The following CDH13 variants were observed in gnomAD, a reference collection of about 807,000 sequenced individuals.
The protein encoded by CDH13 is cadherin-13.
In CDH13, 24 loss-of-function variants were observed where a neutral mutation model predicts 63.8. The observed-to-expected ratio is 0.38, with a 90% confidence interval of 0.27 to 0.53. The LOEUF (loss-of-function observed/expected upper bound fraction) is 0.53, where lower values mean the gene tolerates loss of function less well. Ranked by LOEUF, CDH13 falls within the 20% of genes least tolerant of loss-of-function variation. The pLI is 0.85. For missense variants in CDH13, 1,049 were observed against 903.1 expected (o/e 1.16, Z -2.07); for synonymous variants, 503 against 355.3 (o/e 1.42, Z -4.67).
intron 5 of CDH13, among the ~76,000 whole-genome samples, chr16:83,323,472 G>A (rs904244630): frequency 2.0e-4 from 28 of 136,692 alleles, no homozygotes; most frequent in South Asian, 7.8e-4. Context: ...GTATAAATAC[G>A]GTTTCACCAT....
chr16:83,535,360 C>G (rs1004361058), intron 7 of CDH13, among the ~76,000 whole-genome samples: 1 of 152,214 alleles, frequency 6.6e-6, no homozygotes, highest in Non-Finnish European at 1.5e-5. Context: ...AGTTGATTGG[C>G]ATTTTAGTAG....
chr16:83,211,005 G>A (rs1278645824), intron 4 of CDH13, among the ~76,000 whole-genome samples: 3 of 151,808 alleles, frequency 2.0e-5, no homozygotes, highest in African/African-American at 7.3e-5. Flanking sequence ...AAAATTAGCT[G>A]GGCGTGGTGG....
At chr16:83,653,001 T>C (rs1912532080) in intron 8 of CDH13, among the ~76,000 whole-genome samples, 1 of 151,974 alleles carries the variant, frequency 6.6e-6, no homozygotes, top group African/African-American at 2.4e-5. Context: ...CACGCTACAG[T>C]GTGGATGAAC....
intron 2 of CDH13, among the ~76,000 whole-genome samples, chr16:82,883,515 T>G (rs1383097325): frequency 6.6e-6 from 1 of 152,252 alleles, no homozygotes; most frequent in African/African-American, 2.4e-5. Context: ...CAGCTGATTC[T>G]GATTCAGGTG....
chr16:83,528,228 T>C (rs146283306), intron 7 of CDH13, among the ~76,000 whole-genome samples: 60 of 152,354 alleles, frequency 3.9e-4, no homozygotes, highest in African/African-American at 1.4e-3. Context: ...TCCCTGCAGC[T>C]ATTCCAAAAG....
intron 3 of CDH13, among the ~76,000 whole-genome samples, chr16:83,117,430 C>T (rs944246969): frequency 2.0e-5 from 3 of 152,092 alleles, no homozygotes; most frequent in East Asian, 3.9e-4. Flanking sequence ...CGCTTCTTGC[C>T]TCCCTGTCTA....
intron 10 of CDH13, among the ~76,000 whole-genome samples, chr16:83,704,726 T>C (rs1164571921): frequency 6.6e-6 from 1 of 152,226 alleles, no homozygotes; most frequent in African/African-American, 2.4e-5. Context: ...TGCTCATTTT[T>C]CACCAAACTG....
At chr16:83,029,161 T>C (rs1406700520) in intron 2 of CDH13, among the ~76,000 whole-genome samples, 2 of 152,250 alleles carry the variant, frequency 1.3e-5, no homozygotes, top group African/African-American at 4.8e-5. Flanking sequence ...TATCCACTAT[T>C]ATTATCAGTT....
chr16:83,108,001 T>G (rs1357968135), intron 3 of CDH13, among the ~76,000 whole-genome samples: 1 of 152,036 alleles, frequency 6.6e-6, no homozygotes, highest in Non-Finnish European at 1.5e-5. Context: ...TTTTGTATTT[T>G]TAGTAGAGAC....
chr16:83,080,964 C>A (rs1025093915), intron 3 of CDH13, among the ~76,000 whole-genome samples: 1 of 143,624 alleles, frequency 7.0e-6, no homozygotes, highest in Non-Finnish European at 1.5e-5. Flanking sequence ...TCACCGCAAC[C>A]TCTGCCTCCC....
intron 3 of CDH13, among the ~76,000 whole-genome samples, chr16:83,080,871 G>GTTTTTTTT (rs71148809): frequency 0.047 from 2,188 of 46,868 alleles, 488 homozygotes; most frequent in East Asian, 0.21. Flanking sequence ...TTGTTTTTGT[G>GTTTTTTTT]TTTTTTTTTT....
chr16:83,438,112 G>A (rs944090843), intron 6 of CDH13, among the ~76,000 whole-genome samples: 7 of 152,126 alleles, frequency 4.6e-5, no homozygotes, highest in South Asian at 2.1e-4. Flanking sequence ...CCCCTTTCAT[G>A]ACTTAAGAAG....
chr16:83,719,747 C>G (rs976943839), intron 10 of CDH13, among the ~76,000 whole-genome samples: 2 of 152,136 alleles, frequency 1.3e-5, no homozygotes, highest in African/African-American at 4.8e-5. Context: ...ACCATTATAC[C>G]AGATGCCATT....
In CDH13 at chr16:83,632,704, G is replaced by A. The variant is rs140831645; in HGVS notation, c.1101+30110G>A. Reference sequence around the variant, plus strand: ...CCAAGAGAGTGTTCTTGGATCTCATGCAAGAAAGAATTCAGGGCGAGTCCA... The same window carrying A: ...CCAAGAGAGTGTTCTTGGATCTCATACAAGAAAGAATTCAGGGCGAGTCCA... On this transcript the variant is annotated intron_variant, in intron 8 of 13. Coordinates refer to ENST00000567109, the MANE Select transcript of CDH13 (RefSeq NM_001257.5). 2.8e-4 allele frequency among the ~76,000 whole-genome samples: 41 copies of A among 146,782 alleles called. 1 individual carries two copies. The East Asian group carries it at 8.1e-3, about 29-fold the overall frequency.
At chr16:83,099,389 T>A (rs2034362673) in intron 3 of CDH13, among the ~76,000 whole-genome samples, 1 of 151,922 alleles carries the variant, frequency 6.6e-6, no homozygotes, top group Non-Finnish European at 1.5e-5. Context: ...AACGGTGCAA[T>A]CTCAGCTCAT....
intron 1 of CDH13, among the ~76,000 whole-genome samples, chr16:82,800,244 G>T (rs748908891): frequency 6.6e-6 from 1 of 152,112 alleles, no homozygotes; most frequent in Non-Finnish European, 1.5e-5. Flanking sequence ...ATTCAAAAAT[G>T]AATTATTGAA....
intron 6 of CDH13, among the ~76,000 whole-genome samples, chr16:83,405,472 G>C (rs775038906): frequency 6.6e-6 from 1 of 152,182 alleles, no homozygotes; most frequent in Non-Finnish European, 1.5e-5. Context: ...TTTGAAGTTG[G>C]AGGAAGAGGC....
intron 1 of CDH13, among the ~76,000 whole-genome samples, chr16:82,659,460 T>C (rs541410556): frequency 2.2e-4 from 33 of 152,228 alleles, no homozygotes; most frequent in African/African-American, 7.7e-4. Flanking sequence ...TCCTTAAAAA[T>C]GGCAGCAAGC....
intron 1 of CDH13, among the ~76,000 whole-genome samples, chr16:82,681,871 C>T (rs1004474908): frequency 8.5e-5 from 13 of 152,322 alleles, no homozygotes; most frequent in East Asian, 7.7e-4. Flanking sequence ...GAGCTCAGTG[C>T]GTCTTGCTGG....
Sources: allele counts gnomAD v4.1 joint callset (sites outside exome capture counted in the v4.1 genomes callset), GRCh38; gene constraint gnomAD v4.1.1; transcripts MANE v1.5; gene names NCBI Gene and HGNC (gene_info 2026-07-23, HGNC 2026-07-21).